Variants in SPATA13 observed in about 807,000 individuals in gnomAD.
SPATA13 encodes the protein spermatogenesis associated 13, also known as spermatogenesis-associated protein 13.
SPATA13 carries 50 observed loss-of-function variants against 104.0 expected under a neutral mutation model. The observed-to-expected ratio is 0.48, with a 90% CI of 0.38 to 0.61. The LOEUF is 0.61. Ranked by LOEUF, SPATA13 falls within the 20% of genes least tolerant of loss-of-function variation. The pLI, the probability that SPATA13 is intolerant of heterozygous loss-of-function variation, is 0.00. For missense variants in SPATA13, 1,524 were observed against 1,690.6 expected, an observed-to-expected ratio of 0.90 and a Z score of 1.73; for synonymous variants, 606 against 667.5, an observed-to-expected ratio of 0.91 and a Z score of 1.42.
intron 2 of SPATA13, among the ~76,000 whole-genome samples, chr13:24,233,540 A>G (rs1179957819): frequency 6.6e-6 from 1 of 152,192 alleles, no homozygotes; most frequent in East Asian, 1.9e-4. Flanking sequence ...TATTCCAGAA[A>G]TACTAAATCA....
intron 3 of SPATA13, among the ~76,000 whole-genome samples, chr13:24,118,088 A>G (rs556981866): frequency 2.0e-5 from 3 of 152,298 alleles, no homozygotes; most frequent in Admixed American, 6.5e-5. Context: ...TCAAAACTCT[A>G]AAACAGAAAA....
chr13:24,268,910 G>A (rs1874417758), intron 4 of SPATA13, among the ~76,000 whole-genome samples: 1 of 152,138 alleles, frequency 6.6e-6, no homozygotes, highest in African/African-American at 2.4e-5. Context: ...AGGGTGGGAT[G>A]CTCCAGATCA....
upstream of SPATA13, chr13:24,160,710 T>C: frequency 1.0e-6 from 1 of 984,938 alleles, no homozygotes; most frequent in African/African-American, 1.8e-5. Context: ...GGCTGGGGCG[T>C]GGCTTGGCTG....
chr13:24,122,645 TATCA>T (rs1881072666), intron 3 of SPATA13: 1 of 1,201,654 alleles, frequency 8.3e-7, no homozygotes, highest in African/African-American at 1.5e-5. Context: ...ACATACTGTA[TATCA>T]CTTCAAGATA....
chr13:24,290,449 C>T (rs1876261192), intron 8 of SPATA13, among the ~76,000 whole-genome samples: 1 of 152,076 alleles, frequency 6.6e-6, no homozygotes, highest in Admixed American at 6.6e-5. Context: ...GCTGAAGCAC[C>T]CCTTCTCGCC....
chr13:24,111,578 G>A (rs1441107113), intron 3 of SPATA13, among the ~76,000 whole-genome samples: 1 of 152,058 alleles, frequency 6.6e-6, no homozygotes, highest in Non-Finnish European at 1.5e-5. Context: ...TGGCTAACTT[G>A]TATTTTTTGT....
chr13:24,245,569 G>A (rs1873077512), intron 2 of SPATA13, among the ~76,000 whole-genome samples: 1 of 138,440 alleles, frequency 7.2e-6, no homozygotes, highest in African/African-American at 2.6e-5. Flanking sequence ...ACTGAACGTA[G>A]AATTACAGTT....
At chr13:24,101,987 G>A (rs1880270684) in intron 3 of SPATA13, among the ~76,000 whole-genome samples, 3 of 152,112 alleles carry the variant, frequency 2.0e-5, no homozygotes, top group Admixed American at 1.3e-4. Flanking sequence ...AGTTCTTTTG[G>A]ATATATACCC....
intron 3 of SPATA13, among the ~76,000 whole-genome samples, chr13:24,131,304 G>A (rs1417239783): frequency 6.6e-6 from 1 of 152,148 alleles, no homozygotes; most frequent in East Asian, 1.9e-4. Context: ...TCTTTCCTAT[G>A]ATGCTTCTTG....
Position 24,273,948 on chromosome 13 carries a change from C to T in SPATA13, c.2165-10187C>T, listed in dbSNP as rs1021596861. Reference sequence around the variant, plus strand: ...CAAGCAATCCTCCTGCCTCAGCCTCCTAAAGTGCTGAGATTACAGGCATGA... The same window carrying T: ...CAAGCAATCCTCCTGCCTCAGCCTCTTAAAGTGCTGAGATTACAGGCATGA... On this transcript the variant is annotated intron_variant, in intron 4 of 12. Transcript: ENST00000382108. Among the ~76,000 whole-genome samples, 4 of 152,162 alleles carry T rather than the reference C, an allele frequency of 2.6e-5. No individual in the cohort carries two copies. The East Asian group carries it at 7.7e-4, about 29-fold the overall frequency.
At chr13:24,262,789 A>G (rs1186815583) in intron 4 of SPATA13, among the ~76,000 whole-genome samples, 1 of 152,228 alleles carries the variant, frequency 6.6e-6, no homozygotes, top group Non-Finnish European at 1.5e-5. Flanking sequence ...GTTTACATCC[A>G]GAGTTCTGAG....
At chr13:24,232,134 G>A (rs548240664) in intron 2 of SPATA13, among the ~76,000 whole-genome samples, 2 of 152,358 alleles carry the variant, frequency 1.3e-5, no homozygotes, top group South Asian at 4.1e-4. Context: ...TGGAGAACCA[G>A]GAAGCCAGAT....
intron 2 of SPATA13, among the ~76,000 whole-genome samples, chr13:24,000,028 C>T (rs1174689006): frequency 6.6e-6 from 1 of 152,176 alleles, no homozygotes; most frequent in Non-Finnish European, 1.5e-5. Flanking sequence ...TAGTGCTTGC[C>T]CTCATTAGTT....
At chr13:24,262,134 A>G (rs895178894) in intron 4 of SPATA13, among the ~76,000 whole-genome samples, 4 of 152,182 alleles carry the variant, frequency 2.6e-5, no homozygotes, top group Non-Finnish European at 4.4e-5. Flanking sequence ...ACATTTAGGA[A>G]GTAGGGGAAT....
At position 24,101,840 on chromosome 13, in the gene SPATA13, C is replaced by A. The variant is rs148688015; in HGVS notation, c.-112+84139C>A. 3.3e-3 allele frequency among the ~76,000 whole-genome samples: 499 copies of A among 152,300 alleles called. 3 individuals are homozygous for A. Among genetic ancestry groups the A allele is most frequent in the African/African-American group, 0.011 (468 of 41,558 alleles). On this transcript the variant is annotated intron_variant, in intron 3 of 14. Coordinates refer to the SPATA13 transcript ENST00000424834. ...TTCTTTCTTAGGGCAGAATCATATT[C>A]TGTTGTGTGTGTTTACCACATGTTC... is the stretch of plus-strand genomic sequence containing the variant.
At chr13:24,066,825 G>A (rs1040300227) in intron 3 of SPATA13, among the ~76,000 whole-genome samples, 8 of 152,096 alleles carry the variant, frequency 5.3e-5, no homozygotes, top group East Asian at 1.9e-4. Context: ...GCAGGCATCC[G>A]CCCTCTGTGG....
At chr13:24,253,778 C>T (rs1873635863) in intron 4 of SPATA13, among the ~76,000 whole-genome samples, 1 of 151,970 alleles carries the variant, frequency 6.6e-6, no homozygotes, top group Non-Finnish European at 1.5e-5. Flanking sequence ...AAGTCCTAGC[C>T]GAAGGAGCAC....
At chr13:24,031,729 C>T (rs1290415448) in intron 3 of SPATA13, among the ~76,000 whole-genome samples, 1 of 152,174 alleles carries the variant, frequency 6.6e-6, no homozygotes, top group Non-Finnish European at 1.5e-5. Flanking sequence ...CCTTCTCTCT[C>T]CCTTAAACAA....
intron 4 of SPATA13, among the ~76,000 whole-genome samples, chr13:24,257,619 T>A (rs1873854087): frequency 6.6e-6 from 1 of 151,988 alleles, no homozygotes; most frequent in African/African-American, 2.4e-5. Flanking sequence ...TACTTTTTTT[T>A]TTTTTGGCAA....
Sources: gnomAD v4.1 joint callset for allele counts (sites outside exome capture counted in the v4.1 genomes callset) on GRCh38, gnomAD v4.1.1 for gene constraint, MANE v1.5 for transcripts, NCBI Gene and HGNC (gene_info 2026-07-23, HGNC 2026-07-21) for gene names.